DSCAML1: variants seen among roughly 807,000 people sequenced by gnomAD.
DSCAML1 encodes the protein cell adhesion molecule DSCAML1.
DSCAML1 carries 38 observed loss-of-function variants against 200.5 expected under a neutral mutation model. That is an observed-to-expected ratio of 0.19 (90% confidence interval 0.15 to 0.25). The LOEUF (loss-of-function observed/expected upper bound fraction) is 0.25. Among genes scored for constraint, DSCAML1 ranks in the 10% least tolerant of loss-of-function variants. The pLI is 1.00. For synonymous variants in DSCAML1, 1,215 were observed against 1,165.0 expected (o/e 1.04, Z -0.87); for missense variants, 2,223 against 2,858.8 (o/e 0.78, Z 5.07).
intron 3 of DSCAML1, among the ~76,000 whole-genome samples, chr11:117,685,909 GC>G (rs1391614771): frequency 6.6e-6 from 1 of 152,162 alleles, no homozygotes; most frequent in East Asian, 1.9e-4. Flanking sequence ...TGCATTTGAG[GC>G]TCATTTTTGG....
chr11:117,681,148 C>A (rs1461017635), intron 3 of DSCAML1, among the ~76,000 whole-genome samples: 4 of 152,182 alleles, frequency 2.6e-5, no homozygotes, highest in African/African-American at 9.7e-5. Context: ...TCTCTCCCAC[C>A]CACGCCCTCC....
chr11:117,704,349 T>TCA (rs2053721984), intron 3 of DSCAML1, among the ~76,000 whole-genome samples: 1 of 152,034 alleles, frequency 6.6e-6, no homozygotes, highest in African/African-American at 2.4e-5. Flanking sequence ...ACAAGGTGAG[T>TCA]CAAAGTATCT....
In DSCAML1 at chr11:117,428,186, C is replaced by G. The variant is rs188097140; in HGVS notation, c.*142G>C. 1.6e-6 allele frequency: 1 copy of G among 619,756 alleles called. No homozygotes were observed. Among genetic ancestry groups the G allele is most frequent in the African/African-American group, 1.9e-5 (1 of 51,476 alleles). The allele number at this position is 619,756 out of a possible 1,614,324, so 38.4% of individuals were successfully genotyped here. A position where few individuals can be genotyped will look rare whatever the true frequency, so the allele number is the denominator to read the frequency against. Reference sequence around the variant, plus strand: ...TGTACAAAAGAGTTCTATGTACAGGCGTTCATGATTGGGGGTTTTTGTTTT... The same window carrying G: ...TGTACAAAAGAGTTCTATGTACAGGGGTTCATGATTGGGGGTTTTTGTTTT... On this transcript the variant is annotated 3_prime_UTR_variant, in exon 33 of 33. Coordinates refer to ENST00000651296, the MANE Select transcript of DSCAML1 (RefSeq NM_020693.4).
intron 1 of DSCAML1, among the ~76,000 whole-genome samples, chr11:117,792,530 T>C (rs1233934873): frequency 6.7e-6 from 1 of 150,328 alleles, no homozygotes; most frequent in Non-Finnish European, 1.5e-5. Context: ...CTAGGGGAGG[T>C]GGAATGAGAA....
intron 3 of DSCAML1, among the ~76,000 whole-genome samples, chr11:117,587,682 C>T (rs2051176976): frequency 6.6e-6 from 1 of 152,198 alleles, no homozygotes; most frequent in Non-Finnish European, 1.5e-5. Flanking sequence ...AGCTGTTACC[C>T]TCTGCGAGTG....
At chr11:117,617,633 AAAC>A (rs1210935234) in intron 3 of DSCAML1, among the ~76,000 whole-genome samples, 1 of 151,882 alleles carries the variant, frequency 6.6e-6, no homozygotes, top group South Asian at 2.1e-4. Context: ...TTTAGGAAAA[AAAC>A]AACAACCCAC....
Position 117,430,830 on chromosome 11 carries a change from T to A in DSCAML1, c.5578A>T (p.Thr1860Ser). The change falls in exon 32 of 33, where the codon ACA (threonine) becomes TCA (serine). Residue 1860 changes from threonine (T) to serine (S), a missense_variant. Thr to Ser is a moderately conservative substitution (Grantham distance 58, BLOSUM62 1). This residue lies in a region of DSCAML1 where 96 missense variants were observed against 160.7 expected (regional missense o/e 0.60). Coordinates refer to ENST00000651296, the MANE Select transcript of DSCAML1 (RefSeq NM_020693.4). ...ENADSMTSMS[T>S]PSEPGICRFT... ...CGGCAGATGCCAGGCTCTGAGGGTG[T>A]GCTCATGGATGTCATGCTGTCGGCG... The A allele has an allele frequency of 6.2e-7, 1 of 1,614,114 alleles. No individual in the cohort carries two copies. Among genetic ancestry groups the A allele is most frequent in the East Asian group, 2.2e-5 (1 of 44,886 alleles).
intron 3 of DSCAML1, among the ~76,000 whole-genome samples, chr11:117,757,113 C>T (rs2054706771): frequency 6.6e-6 from 1 of 152,000 alleles, no homozygotes; most frequent in Non-Finnish European, 1.5e-5. Context: ...GATTTTAGTC[C>T]CCCCATCTAA....
chr11:117,432,165 C>A (rs1231265298), intron 30 of DSCAML1, among the ~76,000 whole-genome samples, 187 bp downstream of exon 30: 1 of 152,286 alleles, frequency 6.6e-6, no homozygotes, highest in Admixed American at 6.5e-5. Flanking sequence ...GTTAGTGATA[C>A]GCCCAAGGTC....
At chr11:117,741,179 C>T (rs1344366227) in intron 3 of DSCAML1, among the ~76,000 whole-genome samples, 2 of 152,232 alleles carry the variant, frequency 1.3e-5, no homozygotes, top group Non-Finnish European at 2.9e-5. Flanking sequence ...AAAGCAGCCG[C>T]CCAGCCAGGG....
At chr11:117,477,707 A>G (rs1331141267) in intron 14 of DSCAML1, among the ~76,000 whole-genome samples, 1 of 152,194 alleles carries the variant, frequency 6.6e-6, no homozygotes, top group Non-Finnish European at 1.5e-5. Context: ...CCCATGAGGT[A>G]GGCATCACCA....
intron 3 of DSCAML1, among the ~76,000 whole-genome samples, chr11:117,546,541 G>C (rs528785431): frequency 7.9e-5 from 12 of 152,304 alleles, no homozygotes; most frequent in African/African-American, 2.6e-4. Flanking sequence ...CCACAGACTG[G>C]TCTTTTAAGT....
In DSCAML1 at chr11:117,642,695, G is replaced by C. The variant is rs2052437135; in HGVS notation, c.512-110173C>G. 6.6e-6 allele frequency among the ~76,000 whole-genome samples: 1 copy of C among 152,236 alleles called. No individual in the cohort carries two copies. Among genetic ancestry groups the C allele is most frequent in the Non-Finnish European group, 1.5e-5 (1 of 68,040 alleles). ...TGGCTCCTGGCTGCTTCTTGGGCCAGTGGATTGTCACGATCCTGGCTCAGA... is the reference window on the plus strand; with the variant it reads ...TGGCTCCTGGCTGCTTCTTGGGCCACTGGATTGTCACGATCCTGGCTCAGA... On this transcript the variant is annotated intron_variant, in intron 3 of 32. Transcript: ENST00000651296. The surrounding 1 kb of genome is among the most constrained non-coding windows in gnomAD (Gnocchi z 4.1).
chr11:117,507,941 C>T (rs1488693234), intron 8 of DSCAML1, among the ~76,000 whole-genome samples: 1 of 152,150 alleles, frequency 6.6e-6, no homozygotes, highest in African/African-American at 2.4e-5. Flanking sequence ...TTCTCTGGAG[C>T]CCTGACTCTA....
At chr11:117,559,138 CAAAG>C (rs1323393010) in intron 3 of DSCAML1, among the ~76,000 whole-genome samples, 12 of 137,404 alleles carry the variant, frequency 8.7e-5, no homozygotes, top group Non-Finnish European at 1.5e-4. Flanking sequence ...AAAACAGACA[CAAAG>C]AAAGAAAGAA....
rs1436953591 is a variant in DSCAML1 at position 117,814,749 on chromosome 11, G to A, written c.-250+2641C>T. Among the ~76,000 whole-genome samples the A allele has an allele frequency of 2.6e-5, 4 of 152,218 alleles. No homozygotes were observed. The East Asian group carries it at 5.8e-4, about 22-fold the overall frequency. On this transcript the variant is annotated intron_variant, in intron 1 of 2. Coordinates refer to the DSCAML1 transcript ENST00000525836. Reference sequence around the variant, plus strand: ...GGGTCCCCTGGCAGGTGCCCAGGGTGCTAGAGAGAGCAGGTCAGGAACACT... The same window carrying A: ...GGGTCCCCTGGCAGGTGCCCAGGGTACTAGAGAGAGCAGGTCAGGAACACT...
At chr11:117,506,547 C>CTTTT (rs5795089) in intron 8 of DSCAML1, among the ~76,000 whole-genome samples, 38 of 96,860 alleles carry the variant, frequency 3.9e-4, no homozygotes, top group African/African-American at 1.3e-3. Flanking sequence ...CAAGAGATAA[C>CTTTT]TTTTTTTTTT....
At chr11:117,582,083 A>C (rs1208361502) in intron 3 of DSCAML1, among the ~76,000 whole-genome samples, 1 of 152,190 alleles carries the variant, frequency 6.6e-6, no homozygotes, top group Non-Finnish European at 1.5e-5. Flanking sequence ...AGGACACAGG[A>C]ATGAGTTCAG....
intron 1 of DSCAML1, among the ~76,000 whole-genome samples, chr11:117,810,917 G>C (rs909098975): frequency 1.3e-5 from 2 of 152,056 alleles, no homozygotes; most frequent in African/African-American, 2.4e-5. Context: ...AAGCGTCGCT[G>C]AGTCTTTCTA....
Sources: gnomAD v4.1 joint callset for allele counts (sites outside exome capture counted in the v4.1 genomes callset) on GRCh38, gnomAD v4.1.1 for gene constraint, gnomAD v4.1.1 regional missense constraint, Gnocchi (gnomAD v3.1) non-coding constraint, MANE v1.5 for transcripts, NCBI Gene and HGNC (gene_info 2026-07-23, HGNC 2026-07-21) for gene names.